The following ZNF680 variants were observed in gnomAD, a reference collection of about 807,000 sequenced individuals.
ZNF680 encodes hypothetical protein FLJ90430.
A neutral mutation model predicts 12.1 loss-of-function variants in ZNF680; 6 were observed. The observed-to-expected ratio is 0.49, with a 90% CI of 0.27 to 0.98. ZNF680 has a LOEUF of 0.98. ZNF680 is among the 50% of genes least tolerant of loss of function. The pLI is 0.12. For missense variants in ZNF680, 561 were observed against 616.3 expected (o/e 0.91, Z 0.95); for synonymous variants, 170 against 199.3 (o/e 0.85, Z 1.24).
chr7:64,507,818 C>A, the ZNF680 span, among the ~76,000 whole-genome samples: 6 of 134,218 alleles, frequency 4.5e-5, no homozygotes, highest in Non-Finnish European at 9.3e-5. Flanking sequence ...TCTTAAAATT[C>A]CAGGAAACAC....
chr7:64,531,945 A>G (rs112504394), intron 3 of ZNF680, among the ~76,000 whole-genome samples: 3,899 of 152,304 alleles, frequency 0.026, 103 homozygotes, highest in African/African-American at 0.056. Context: ...TCAAGATTAG[A>G]GCAAAACTAA....
At chr7:64,522,593 A>C in intron 3 of ZNF680, 93 bp from the exon 4 acceptor site, 2 of 983,530 alleles carry the variant, frequency 2.0e-6, no homozygotes, top group Non-Finnish European at 2.7e-6. Flanking sequence ...CAAACTACAT[A>C]AGCAAAATAC....
intron 1 of ZNF680, among the ~76,000 whole-genome samples, chr7:64,546,635 C>A (rs1257273070): frequency 2.6e-5 from 4 of 152,150 alleles, no homozygotes; most frequent in African/African-American, 9.7e-5. Context: ...CCCAGCTATT[C>A]AGGAGGCAGA....
chr7:64,559,089 C>T (rs1386907741), intron 1 of ZNF680, among the ~76,000 whole-genome samples: 1 of 152,030 alleles, frequency 6.6e-6, no homozygotes, highest in Non-Finnish European at 1.5e-5. Context: ...TCATGCATTC[C>T]CCCTTCTCTC....
At chr7:64,508,254 A>C in the ZNF680 span, among the ~76,000 whole-genome samples, 1 of 150,818 alleles carries the variant, frequency 6.6e-6, no homozygotes, top group Non-Finnish European at 1.5e-5. Context: ...AAGCATGAAT[A>C]TGTATTTTTA....
intron 3 of ZNF680, among the ~76,000 whole-genome samples, chr7:64,533,847 C>A (rs1036742474): frequency 3.3e-5 from 5 of 152,026 alleles, no homozygotes; most frequent in African/African-American, 1.2e-4. Flanking sequence ...AATAGCGAAC[C>A]CAGAAATAAA....
the ZNF680 span, among the ~76,000 whole-genome samples, chr7:64,513,722 T>C: frequency 6.6e-6 from 1 of 152,132 alleles, no homozygotes; most frequent in Non-Finnish European, 1.5e-5. Context: ...CTCAGCTCAC[T>C]GCAACCTCTG....
intron 1 of ZNF680, among the ~76,000 whole-genome samples, chr7:64,549,141 A>C (rs927655646): frequency 2.6e-5 from 4 of 151,978 alleles, no homozygotes; most frequent in South Asian, 2.1e-4. Flanking sequence ...AAAAAAAAAA[A>C]AACAATGAAA....
chr7:64,550,448 A>G (rs1455988492), intron 1 of ZNF680, among the ~76,000 whole-genome samples: 1 of 152,166 alleles, frequency 6.6e-6, no homozygotes, highest in Non-Finnish European at 1.5e-5. Flanking sequence ...CCAAAATCTC[A>G]AGATCCCGAT....
At chr7:64,512,470 A>AT in the ZNF680 span, among the ~76,000 whole-genome samples, 1 of 151,778 alleles carries the variant, frequency 6.6e-6, no homozygotes, top group African/African-American at 2.4e-5. Context: ...AAAAAAAAAA[A>AT]AAAAAAAAAA....
chr7:64,510,904 C>T, the ZNF680 span, among the ~76,000 whole-genome samples: 547 of 118,794 alleles, frequency 4.6e-3, 34 homozygotes, highest in African/African-American at 0.018. Flanking sequence ...AGCGAGACTC[C>T]GTCTCAAAAA....
At chr7:64,507,603 G>A in the ZNF680 span, among the ~76,000 whole-genome samples, 187 of 151,506 alleles carry the variant, frequency 1.2e-3, no homozygotes, top group Non-Finnish European at 1.9e-3. Context: ...CCGGGTTCAC[G>A]TGATTCTCCT....
intron 3 of ZNF680, among the ~76,000 whole-genome samples, chr7:64,523,846 G>C (rs1791682082): frequency 1.3e-5 from 2 of 151,700 alleles, no homozygotes; most frequent in South Asian, 2.1e-4. Flanking sequence ...CCAAGAGGCG[G>C]AGCTGGCAGT....
intron 3 of ZNF680, 147 bp from the exon 4 acceptor site, chr7:64,522,647 AGTTATGT>A: frequency 2.7e-5 from 15 of 557,486 alleles, no homozygotes; most frequent in Non-Finnish European, 3.8e-5. Flanking sequence ...AAAAAAAAAA[AGTTATGT>A]ACAAATGAAG....
At chr7:64,511,707 G>T in the ZNF680 span, among the ~76,000 whole-genome samples, 1 of 151,410 alleles carries the variant, frequency 6.6e-6, no homozygotes, top group Admixed American at 6.6e-5. Flanking sequence ...GAAAAAAATG[G>T]TAAAATTACT....
At position 64,522,404 on chromosome 7, in the gene ZNF680, T is replaced by C; in HGVS notation, c.350A>G (p.His117Arg). The change falls in exon 4 of 4, where the codon CAT (histidine) becomes CGT (arginine). Residue 117 changes from histidine to arginine, a missense_variant. Physicochemically the swap from His to Arg is conservative, Grantham distance 29. Transcript: ENST00000309683. Reference sequence around the variant, plus strand: ...ACTTATTCTTAATTGTAAATTCTCATGTCCACATTTTCCATATCCTCTCAG... The same window carrying C: ...ACTTATTCTTAATTGTAAATTCTCACGTCCACATTTTCCATATCCTCTCAG... ...VILRGYGKCG[H>R]ENLQLRISCK... 1 of 1,612,030 alleles carries C rather than the reference T, an allele frequency of 6.2e-7. No individual in the cohort carries two copies. Among genetic ancestry groups the C allele is most frequent in the South Asian group, 1.1e-5 (1 of 90,622 alleles).
intron 1 of ZNF680, among the ~76,000 whole-genome samples, chr7:64,562,518 A>AC (rs1787801033): frequency 6.6e-6 from 1 of 152,166 alleles, no homozygotes; most frequent in African/African-American, 2.4e-5. Context: ...CGATTTTTGA[A>AC]CCACTCTTCT....
chr7:64,548,609 C>T (rs1483345343), intron 1 of ZNF680, among the ~76,000 whole-genome samples: 2 of 152,160 alleles, frequency 1.3e-5, no homozygotes, highest in African/African-American at 4.8e-5. Flanking sequence ...CCAACCAAGA[C>T]ATCTCTTGTA....
chr7:64,499,618 G>A, the ZNF680 span, among the ~76,000 whole-genome samples: 2 of 152,128 alleles, frequency 1.3e-5, no homozygotes, highest in Non-Finnish European at 2.9e-5. Context: ...TTAACCGGGT[G>A]TGGTGTGCGC....
Sources: allele counts gnomAD v4.1 joint callset (sites outside exome capture counted in the v4.1 genomes callset), GRCh38; gene constraint gnomAD v4.1.1; transcripts MANE v1.5; gene names NCBI Gene and HGNC (gene_info 2026-07-23, HGNC 2026-07-21).